CNTN4: variants seen among roughly 807,000 people sequenced by gnomAD.
The protein encoded by CNTN4 is contactin 4.
Under a neutral mutation model 122.5 loss-of-function variants are expected in CNTN4, and 77 were observed. The ratio of observed to expected loss-of-function variants is 0.63; its 90% CI spans 0.52 to 0.76. The LOEUF is 0.76. Among genes scored for constraint, CNTN4 ranks in the 30% least tolerant of loss-of-function variants. The pLI is 0.00. For missense variants in CNTN4, 1,256 were observed against 1,259.1 expected, an observed-to-expected ratio of 1.00 and a Z score of 0.04; for synonymous variants, 512 against 447.0, an observed-to-expected ratio of 1.15 and a Z score of -1.83.
chr3:2,118,275 C>T (rs2033507521), intron 2 of CNTN4, among the ~76,000 whole-genome samples: 1 of 152,114 alleles, frequency 6.6e-6, no homozygotes, highest in African/African-American at 2.4e-5. Flanking sequence ...ATATCAGATC[C>T]CAGGTATACC....
chr3:2,436,985 G>T (rs752721090), intron 3 of CNTN4, among the ~76,000 whole-genome samples: 2 of 151,800 alleles, frequency 1.3e-5, no homozygotes, highest in Admixed American at 6.6e-5. Flanking sequence ...TTTCTGATCG[G>T]TTTTTTTCTT....
intron 3 of CNTN4, among the ~76,000 whole-genome samples, chr3:2,562,294 A>T (rs1010391156): frequency 6.6e-6 from 1 of 152,116 alleles, no homozygotes; most frequent in African/African-American, 2.4e-5. Context: ...ATATTGTGTG[A>T]TGCTGAAATT....
chr3:2,388,347 A>T (rs927814175), intron 3 of CNTN4, among the ~76,000 whole-genome samples: 4 of 152,212 alleles, frequency 2.6e-5, no homozygotes, highest in African/African-American at 9.7e-5. Flanking sequence ...GGATCAATGC[A>T]TTGCCATTCT....
At chr3:2,825,216 A>C (rs1399662390) in intron 7 of CNTN4, among the ~76,000 whole-genome samples, 1 of 151,900 alleles carries the variant, frequency 6.6e-6, no homozygotes, top group Admixed American at 6.6e-5. Flanking sequence ...CGTCTCTAAA[A>C]AATAATTTAT....
At chr3:2,744,776 G>A (rs1249386266) in intron 5 of CNTN4, among the ~76,000 whole-genome samples, 1 of 152,174 alleles carries the variant, frequency 6.6e-6, no homozygotes, top group Admixed American at 6.5e-5. Context: ...CTGTTAAAAT[G>A]TGTGGGTCCC....
intron 3 of CNTN4, among the ~76,000 whole-genome samples, chr3:2,567,470 C>CTAT (rs1253851380): frequency 6.6e-6 from 1 of 152,124 alleles, no homozygotes; most frequent in African/African-American, 2.4e-5. Context: ...CCCCCTCAGC[C>CTAT]TATAACTCCC....
intron 2 of CNTN4, among the ~76,000 whole-genome samples, chr3:2,289,793 A>G (rs1340016987): frequency 1.3e-5 from 2 of 152,308 alleles, no homozygotes; most frequent in South Asian, 2.1e-4. Flanking sequence ...ATTTTATTCC[A>G]CTTACTGCAT....
chr3:2,351,432 A>C (rs1184608168), intron 3 of CNTN4, among the ~76,000 whole-genome samples: 1 of 152,182 alleles, frequency 6.6e-6, no homozygotes, highest in Non-Finnish European at 1.5e-5. Flanking sequence ...TCTTCCTCAA[A>C]GATGGGACAA....
chr3:2,581,540 A>G (rs7650485), intron 4 of CNTN4, among the ~76,000 whole-genome samples: 9,594 of 152,224 alleles, frequency 0.063, 642 homozygotes, highest in East Asian at 0.22. Flanking sequence ...AATAAGGTAA[A>G]TACTGTTTTA....
At chr3:2,455,822 A>G (rs1162823482) in intron 3 of CNTN4, among the ~76,000 whole-genome samples, 2 of 152,076 alleles carry the variant, frequency 1.3e-5, no homozygotes, top group Non-Finnish European at 2.9e-5. Flanking sequence ...GCTTTTGTGC[A>G]CAGGTCAGCA....
intron 15 of CNTN4, among the ~76,000 whole-genome samples, chr3:3,026,686 G>A (rs545307475): frequency 6.6e-6 from 1 of 152,210 alleles, no homozygotes; most frequent in South Asian, 2.1e-4. Context: ...CTGTTTTTAG[G>A]CTGCTAATTA....
At chr3:2,401,148 T>G (rs558445163) in intron 3 of CNTN4, among the ~76,000 whole-genome samples, 1 of 152,288 alleles carries the variant, frequency 6.6e-6, no homozygotes, top group South Asian at 2.1e-4. Flanking sequence ...AATTAAGAAT[T>G]GCTTCTTAGT....
intron 13 of CNTN4, among the ~76,000 whole-genome samples, chr3:2,940,530 A>G (rs1182920999): frequency 1.3e-5 from 2 of 152,174 alleles, no homozygotes; most frequent in Non-Finnish European, 2.9e-5. Flanking sequence ...GGATCTCATT[A>G]GGATGGAGGA....
At chr3:2,735,181 T>C (rs185499063) in intron 4 of CNTN4, among the ~76,000 whole-genome samples, 89 of 152,266 alleles carry the variant, frequency 5.8e-4, no homozygotes, top group African/African-American at 2.1e-3. Flanking sequence ...TCTTGGGAAA[T>C]ATAGTTTTAA....
intron 12 of CNTN4, among the ~76,000 whole-genome samples, chr3:2,903,752 T>G (rs2094200380): frequency 6.6e-6 from 1 of 152,196 alleles, no homozygotes; most frequent in African/African-American, 2.4e-5. Flanking sequence ...ACACTTTTTT[T>G]TGTGATCTTT....
At position 2,818,740 on chromosome 3, in the gene CNTN4, C is replaced by T. The variant is rs1030349345; in HGVS notation, c.359-746C>T. Among the ~76,000 whole-genome samples, 3 of 152,296 alleles carry T rather than the reference C, an allele frequency of 2.0e-5. No homozygotes were observed. The East Asian group carries it at 5.8e-4, about 29-fold the overall frequency. ...CTGTGATCTTTGGGTTTATAAATGTCTTATCTCTCTAACCAGACTTGACCT... is the reference window on the plus strand; with the variant it reads ...CTGTGATCTTTGGGTTTATAAATGTTTTATCTCTCTAACCAGACTTGACCT... On this transcript the variant is annotated intron_variant, in intron 6 of 24. Coordinates refer to ENST00000418658, the MANE Select transcript of CNTN4 (RefSeq NM_175607.3).
intron 4 of CNTN4, among the ~76,000 whole-genome samples, chr3:2,691,021 T>C (rs982261895): frequency 3.3e-5 from 5 of 152,206 alleles, no homozygotes; most frequent in Non-Finnish European, 7.3e-5. Context: ...AGAAACTGCT[T>C]CATCACAAAT....
chr3:2,844,168 A>G (rs2093415286), intron 7 of CNTN4, among the ~76,000 whole-genome samples: 2 of 152,308 alleles, frequency 1.3e-5, no homozygotes, highest in South Asian at 4.1e-4. Flanking sequence ...CTTTCATTTC[A>G]AATCTCTGCT....
intron 3 of CNTN4, among the ~76,000 whole-genome samples, chr3:2,540,067 T>TG (rs1349128454): frequency 3.8e-5 from 5 of 132,120 alleles, no homozygotes; most frequent in African/African-American, 1.4e-4. Flanking sequence ...GCTTCATCAG[T>TG]GTTGTGTGTG....
Sources: gnomAD v4.1 joint callset for allele counts (sites outside exome capture counted in the v4.1 genomes callset) on GRCh38, gnomAD v4.1.1 for gene constraint, MANE v1.5 for transcripts, NCBI Gene and HGNC (gene_info 2026-07-23, HGNC 2026-07-21) for gene names.